XIRP2: variants seen among roughly 807,000 people sequenced by gnomAD.
The protein encoded by XIRP2 is xin actin binding repeat containing 2, also known as xin actin-binding repeat-containing protein 2.
In XIRP2, 236 loss-of-function variants were observed where a neutral mutation model predicts 277.0. The ratio of observed to expected loss-of-function variants is 0.85; its 90% CI spans 0.77 to 0.95. The LOEUF (loss-of-function observed/expected upper bound fraction) is 0.95. Ranked by LOEUF, XIRP2 falls within the 40% of genes least tolerant of loss-of-function variation. XIRP2 has a pLI of 0.00. For synonymous variants in XIRP2, 1,490 were observed against 1,416.5 expected (o/e 1.05, Z -1.17); for missense variants, 4,640 against 4,157.5 (o/e 1.12, Z -3.19).
chr2:167,202,689 A>G (rs1693756583), intron 3 of XIRP2, among the ~76,000 whole-genome samples: 1 of 152,244 alleles, frequency 6.6e-6, no homozygotes, highest in South Asian at 2.1e-4. Flanking sequence ...TTGGACAGAC[A>G]CATGTATGTG....
intron 2 of XIRP2, among the ~76,000 whole-genome samples, chr2:167,106,108 C>T (rs1332802982): frequency 6.6e-6 from 1 of 151,488 alleles, no homozygotes; most frequent in Non-Finnish European, 1.5e-5. Flanking sequence ...CAAATATTTT[C>T]TCCACTTTGC....
chr2:167,162,399 A>G (rs1190591691), intron 3 of XIRP2, among the ~76,000 whole-genome samples: 1 of 152,206 alleles, frequency 6.6e-6, no homozygotes. Flanking sequence ...ACAGTTCCAC[A>G]TGGCTGGGGA....
chr2:167,148,929 G>A (rs1335876072), intron 3 of XIRP2, among the ~76,000 whole-genome samples: 1 of 151,998 alleles, frequency 6.6e-6, no homozygotes, highest in Non-Finnish European at 1.5e-5. Flanking sequence ...TAGGATGGTA[G>A]AACTTTGAAA....
rs775650871 is a variant in XIRP2 at position 167,243,120 on chromosome 2, C to T, written c.1728C>T (p.Ser576=). Residue 576 remains serine (S), a synonymous_variant, in exon 9 of 11, where the codon TCC becomes TCT. Coordinates refer to ENST00000409195, the MANE Select transcript of XIRP2 (RefSeq NM_152381.6). ...AAATTCTGAAGGGAGAGGTGCAGTCCATTAGATGGATCTTTGAGAATCAAC... is the reference window on the plus strand; with the variant it reads ...AAATTCTGAAGGGAGAGGTGCAGTCTATTAGATGGATCTTTGAGAATCAAC... ...WDEILKGEVQ[S]IRWIFENQPL... is the part of the protein sequence containing the mutation. The T allele has an allele frequency of 1.9e-6, 3 of 1,614,054 alleles. No homozygotes were observed. The highest frequency in any genetic ancestry group is 4.5e-5 in the East Asian group (2 of 44,852).
chr2:167,087,053 T>C (rs1291877498), intron 2 of XIRP2, among the ~76,000 whole-genome samples: 2 of 151,210 alleles, frequency 1.3e-5, no homozygotes, highest in Admixed American at 6.6e-5. Context: ...TCTGTTCTGT[T>C]TTTTCCCCAT....
At chr2:167,236,067 T>C (rs186976829) in intron 5 of XIRP2, among the ~76,000 whole-genome samples, 49 of 152,054 alleles carry the variant, frequency 3.2e-4, no homozygotes, top group African/African-American at 1.1e-3. Flanking sequence ...CATAACTGTT[T>C]CTAGTTTTAT....
At chr2:167,014,253 A>G (rs1687762569) in intron 2 of XIRP2, among the ~76,000 whole-genome samples, 1 of 151,704 alleles carries the variant, frequency 6.6e-6, no homozygotes, top group Admixed American at 6.6e-5. Flanking sequence ...CACACAGAGA[A>G]CACCTATAAA....
chr2:166,945,290 T>C (rs1685827389), intron 2 of XIRP2, among the ~76,000 whole-genome samples: 1 of 152,138 alleles, frequency 6.6e-6, no homozygotes, highest in Non-Finnish European at 1.5e-5. Flanking sequence ...TTGCTCTGTT[T>C]TTTTTATAGT....
At chr2:167,009,643 G>A (rs990119420) in intron 2 of XIRP2, among the ~76,000 whole-genome samples, 3 of 152,032 alleles carry the variant, frequency 2.0e-5, no homozygotes, top group East Asian at 1.9e-4. Flanking sequence ...TCGCCACACT[G>A]ACTTCCACAA....
intron 3 of XIRP2, among the ~76,000 whole-genome samples, chr2:167,160,072 C>A (rs1692316868): frequency 6.6e-6 from 1 of 150,894 alleles, no homozygotes; most frequent in African/African-American, 2.4e-5. Context: ...TATATATAGG[C>A]AAAAAAAATA....
intron 2 of XIRP2, among the ~76,000 whole-genome samples, chr2:167,132,412 G>A (rs1369437609): frequency 6.6e-6 from 1 of 151,874 alleles, no homozygotes; most frequent in African/African-American, 2.4e-5. Context: ...GAATTATCTG[G>A]TTCAAAATAT....
intron 5 of XIRP2, among the ~76,000 whole-genome samples, chr2:167,219,362 T>TGTA (rs1694355855): frequency 6.6e-6 from 1 of 152,218 alleles, no homozygotes; most frequent in African/African-American, 2.4e-5. Flanking sequence ...AGTCTTTGAG[T>TGTA]GTAGATGTGT....
chr2:167,228,140 G>C (rs1487708945), intron 5 of XIRP2, among the ~76,000 whole-genome samples: 1 of 152,112 alleles, frequency 6.6e-6, no homozygotes. Context: ...AATATAATCA[G>C]ACTGTCTTCT....
Position 167,246,516 on chromosome 2 carries a change from A to T in XIRP2, c.5124A>T (p.Val1708=). ...GTGACACAATTGAGCGTGAAGAAGT[A>T]ATAGGTGGTGATGTCAAACGTACCA... ...NDGDTIEREE[V]IGGDVKRTIH... The change falls in exon 9 of 11, where the codon GTA becomes GTT. Residue 1708 remains valine (V), a synonymous_variant. Transcript: ENST00000409195. 6.2e-7 allele frequency: 1 copy of T among 1,613,690 alleles called. No individual in the cohort carries two copies. Among genetic ancestry groups the T allele is most frequent in the Non-Finnish European group, 8.5e-7 (1 of 1,179,776 alleles).
At chr2:167,095,452 G>T (rs1321216592) in intron 2 of XIRP2, among the ~76,000 whole-genome samples, 1 of 152,130 alleles carries the variant, frequency 6.6e-6, no homozygotes. Context: ...CTGTGGGTTT[G>T]TCCTAAATAG....
chr2:166,987,959 T>C (rs1236851860), intron 2 of XIRP2, among the ~76,000 whole-genome samples: 1 of 152,176 alleles, frequency 6.6e-6, no homozygotes, highest in Non-Finnish European at 1.5e-5. Context: ...CCAAGTAATT[T>C]CTATAGAATG....
intron 3 of XIRP2, among the ~76,000 whole-genome samples, chr2:167,139,477 T>C (rs1461929645): frequency 1.3e-5 from 2 of 152,198 alleles, no homozygotes; most frequent in African/African-American, 4.8e-5. Flanking sequence ...CCTTGGAAAT[T>C]ACCTGCTGTA....
chr2:167,192,176 G>A (rs984628949), intron 3 of XIRP2, among the ~76,000 whole-genome samples: 2 of 151,892 alleles, frequency 1.3e-5, no homozygotes, highest in Non-Finnish European at 2.9e-5. Context: ...ACTATACTAT[G>A]TTATATTATT....
chr2:167,249,041 A>T lies in XIRP2; in HGVS notation c.7649A>T (p.Lys2550Ile), dbSNP rs1317131909. Residue 2550 changes from lysine to isoleucine, a missense_variant, in exon 9 of 11, where the codon AAA becomes ATA. By Grantham distance (102) the Lys-to-Ile change is moderately radical. Coordinates refer to ENST00000409195, the MANE Select transcript of XIRP2 (RefSeq NM_152381.6). ...FKTPLMIAEE[K>I]YRQQKEEIEK... ...ACACCTTTAATGATTGCTGAAGAAA[A>T]ATATAGACAACAAAAAGAAGAAATT... The T allele has an allele frequency of 3.1e-6, 5 of 1,611,300 alleles. No individual in the cohort carries two copies. The highest frequency in any genetic ancestry group is 4.2e-6 in the Non-Finnish European group (5 of 1,179,224).
Sources: gnomAD v4.1 joint callset for allele counts (sites outside exome capture counted in the v4.1 genomes callset) on GRCh38, gnomAD v4.1.1 for gene constraint, MANE v1.5 for transcripts, NCBI Gene and HGNC (gene_info 2026-07-23, HGNC 2026-07-21) for gene names.